Variants in NRXN1 observed in about 807,000 individuals in gnomAD.
The protein encoded by NRXN1 is neurexin 1, also known as neurexin-1.
In NRXN1, 39 loss-of-function variants were observed where a neutral mutation model predicts 150.9. That is an observed-to-expected ratio of 0.26 (90% CI 0.20 to 0.34). The LOEUF is 0.34. NRXN1 is among the 10% of genes least tolerant of loss of function. The pLI is 1.00. For synonymous variants in NRXN1, 924 were observed against 757.0 expected (o/e 1.22, Z -3.62); for missense variants, 1,815 against 1,949.9 (o/e 0.93, Z 1.30).
At chr2:50,699,115 C>T (rs73933038) in intron 5 of NRXN1, among the ~76,000 whole-genome samples, 15,176 of 152,186 alleles carry the variant, frequency 0.1, 827 homozygotes, top group Middle Eastern at 0.16. Flanking sequence ...GCAGGAAACA[C>T]AAAATGATAG....
chr2:50,392,413 C>T (rs1165338546), intron 17 of NRXN1, among the ~76,000 whole-genome samples: 2 of 152,118 alleles, frequency 1.3e-5, no homozygotes, highest in Non-Finnish European at 2.9e-5. Context: ...GACTGTAAAA[C>T]ATTGCCAGAT....
intron 21 of NRXN1, among the ~76,000 whole-genome samples, chr2:49,993,496 T>C (rs1346732340): frequency 6.6e-6 from 1 of 152,164 alleles, no homozygotes; most frequent in Non-Finnish European, 1.5e-5. Context: ...TGCCATGATA[T>C]ATTTGTCCAA....
intron 5 of NRXN1, among the ~76,000 whole-genome samples, chr2:50,659,395 A>T (rs1346893391): frequency 6.6e-6 from 1 of 151,816 alleles, no homozygotes; most frequent in Admixed American, 6.6e-5. Context: ...AACACAGGAT[A>T]TTTTCCTTCA....
intron 5 of NRXN1, among the ~76,000 whole-genome samples, chr2:50,868,746 A>C (rs1490866182): frequency 6.6e-6 from 1 of 151,848 alleles, no homozygotes; most frequent in Non-Finnish European, 1.5e-5. Context: ...ACAGCATTTT[A>C]TTTCCATGTT....
intron 5 of NRXN1, among the ~76,000 whole-genome samples, chr2:50,853,266 C>A (rs1674772309): frequency 6.6e-6 from 1 of 152,046 alleles, no homozygotes; most frequent in South Asian, 2.1e-4. Flanking sequence ...CAGTAGGATA[C>A]CAGTGAGGAT....
chr2:50,461,402 T>C (rs1051785552), intron 17 of NRXN1, among the ~76,000 whole-genome samples: 2 of 152,028 alleles, frequency 1.3e-5, no homozygotes, highest in Non-Finnish European at 2.9e-5. Flanking sequence ...AACATTTCTA[T>C]ACTAATGTAA....
rs140159354 is a variant in NRXN1, at chr2:50,751,940, A to T, written c.833-128325T>A. ...CTGTGTATCACCTAGCACAGTGCCTAGTGAACAGTAAGAATCAGGAAAGAG... is the reference window on the plus strand; with the variant it reads ...CTGTGTATCACCTAGCACAGTGCCTTGTGAACAGTAAGAATCAGGAAAGAG... On this transcript the variant is annotated intron_variant, in intron 5 of 22. Transcript: ENST00000401669. Among the ~76,000 whole-genome samples, 27 of 152,020 alleles carry T rather than the reference A, an allele frequency of 1.8e-4. 2 individuals are homozygous for T. Among genetic ancestry groups the T allele is most frequent in the African/African-American group, 6.3e-4 (26 of 41,518 alleles).
chr2:51,007,795 T>C (rs527510684), intron 2 of NRXN1, among the ~76,000 whole-genome samples: 4 of 151,984 alleles, frequency 2.6e-5, no homozygotes, highest in Admixed American at 1.3e-4. Context: ...CAACAGCAAA[T>C]AATTATCTGG....
chr2:50,600,321 C>CTTTTTTTTT (rs779234312), intron 8 of NRXN1, among the ~76,000 whole-genome samples: 1 of 120,236 alleles, frequency 8.3e-6, no homozygotes, highest in Non-Finnish European at 1.7e-5. Flanking sequence ...TTAAGACTAG[C>CTTTTTTTTT]TTTTTTTTTT....
chr2:50,861,694 T>C (rs1445525723), intron 5 of NRXN1, among the ~76,000 whole-genome samples: 3 of 152,040 alleles, frequency 2.0e-5, no homozygotes, highest in African/African-American at 7.2e-5. Flanking sequence ...ATAAAGCAAA[T>C]GTAGGGTGTG....
At chr2:50,958,330 C>T (rs751978029) in intron 2 of NRXN1, among the ~76,000 whole-genome samples, 31 of 152,092 alleles carry the variant, frequency 2.0e-4, no homozygotes, top group Non-Finnish European at 4.0e-4. Context: ...AACTCTCAAA[C>T]GACACTGGCT....
intron 19 of NRXN1, among the ~76,000 whole-genome samples, chr2:50,075,407 A>G (rs1251912200): frequency 1.3e-5 from 2 of 152,224 alleles, no homozygotes; most frequent in African/African-American, 4.8e-5. Context: ...ATTGTGTAAA[A>G]AGCCTTAGAT....
chr2:50,925,851 T>C lies in NRXN1; in HGVS notation c.790+87A>G, dbSNP rs532440620. 1.4e-5 allele frequency: 14 copies of C among 1,025,202 alleles called. No homozygotes were observed. In the South Asian group the frequency reaches 1.8e-4, roughly 13 times the overall value. The allele number at this position is 1,025,202 out of a possible 1,614,324, so 63.5% of individuals were successfully genotyped here. Reference sequence around the variant, plus strand: ...ACAAATGTTCAGAAAGAAGTTCAACTTACCATCTAACTTCAAGATGTACCC... The same window carrying C: ...ACAAATGTTCAGAAAGAAGTTCAACCTACCATCTAACTTCAAGATGTACCC... On this transcript the variant is annotated intron_variant, in intron 3 of 22. Transcript: ENST00000401669.
intron 17 of NRXN1, among the ~76,000 whole-genome samples, chr2:50,391,233 C>T (rs1262136387): frequency 6.6e-6 from 1 of 150,824 alleles, no homozygotes; most frequent in African/African-American, 2.4e-5. Context: ...CAAGAAAAGA[C>T]AACTGAAAGA....
chr2:50,689,082 T>C (rs1691681231), intron 5 of NRXN1, among the ~76,000 whole-genome samples: 1 of 152,190 alleles, frequency 6.6e-6, no homozygotes, highest in Non-Finnish European at 1.5e-5. Flanking sequence ...CAATTTATTC[T>C]ATTTTAGGAT....
At chr2:50,824,576 T>A (rs72837097) in intron 5 of NRXN1, among the ~76,000 whole-genome samples, 2 of 151,988 alleles carry the variant, frequency 1.3e-5, no homozygotes, top group African/African-American at 4.8e-5. Flanking sequence ...TAGGATCCAG[T>A]AAAGGGATAT....
chr2:50,140,860 G>T (rs1171535479), intron 18 of NRXN1, among the ~76,000 whole-genome samples: 4 of 151,872 alleles, frequency 2.6e-5, no homozygotes, highest in East Asian at 1.9e-4. Context: ...CTATCTGAAA[G>T]ATATAGAATA....
At chr2:50,211,813 A>T (rs559531202) in intron 18 of NRXN1, among the ~76,000 whole-genome samples, 1 of 149,292 alleles carries the variant, frequency 6.7e-6, no homozygotes, top group Admixed American at 6.8e-5. Flanking sequence ...ACTCCATTTG[A>T]TGTGTAATAA....
At chr2:50,967,321 G>C (rs576527828) in intron 2 of NRXN1, among the ~76,000 whole-genome samples, 1 of 151,922 alleles carries the variant, frequency 6.6e-6, no homozygotes, top group Admixed American at 6.6e-5. Flanking sequence ...CATTTAAAGT[G>C]ATTTCAATCT....
Sources: gnomAD v4.1 joint callset for allele counts (sites outside exome capture counted in the v4.1 genomes callset) on GRCh38, gnomAD v4.1.1 for gene constraint, MANE v1.5 for transcripts, NCBI Gene and HGNC (gene_info 2026-07-23, HGNC 2026-07-21) for gene names.